The following LIPH variants were observed in gnomAD, a reference collection of about 807,000 sequenced individuals.
The protein encoded by LIPH is lipase member H.
Under a neutral mutation model 47.6 loss-of-function variants are expected in LIPH, and 32 were observed. That is an observed-to-expected ratio of 0.67 (90% CI 0.51 to 0.90). The LOEUF (loss-of-function observed/expected upper bound fraction) is 0.90, where lower values mean the gene tolerates loss of function less well. Among genes scored for constraint, LIPH ranks in the 40% least tolerant of loss-of-function variants. LIPH has a pLI of 0.00. For missense variants in LIPH, 497 were observed against 541.4 expected, an observed-to-expected ratio of 0.92 and a Z score of 0.81; for synonymous variants, 190 against 195.6, an observed-to-expected ratio of 0.97 and a Z score of 0.24.
In LIPH at chr3:185,508,750, C is replaced by T. The variant is rs763606912; in HGVS notation, c.*40G>A. On this transcript the variant is annotated 3_prime_UTR_variant, in exon 10 of 10. Coordinates refer to ENST00000296252, the MANE Select transcript of LIPH (RefSeq NM_139248.3). ...GCTTTCAAACAGCCTGTGGTTGTAGCTTTCTTTCTATTATTTATGGCCATG... is the reference window on the plus strand; with the variant it reads ...GCTTTCAAACAGCCTGTGGTTGTAGTTTTCTTTCTATTATTTATGGCCATG... The T allele has an allele frequency of 1.4e-6, 2 of 1,386,572 alleles. No homozygotes were observed. Among genetic ancestry groups the T allele is most frequent in the African/African-American group, 1.4e-5 (1 of 70,540 alleles). The allele number at this position is 1,386,572 out of a possible 1,614,324, so 85.9% of individuals were successfully genotyped here. A position where few individuals can be genotyped will look rare whatever the true frequency, so the allele number is the denominator to read the frequency against.
intron 4 of LIPH, among the ~76,000 whole-genome samples, chr3:185,525,335 C>T (rs1720035018): frequency 6.6e-6 from 1 of 152,020 alleles, no homozygotes; most frequent in Non-Finnish European, 1.5e-5. Flanking sequence ...TGTAGGTGTA[C>T]ATACATATGC....
chr3:185,517,946 T>C (rs1719782923), intron 6 of LIPH, among the ~76,000 whole-genome samples: 2 of 152,022 alleles, frequency 1.3e-5, no homozygotes, highest in South Asian at 4.2e-4. Flanking sequence ...CTCCACAATA[T>C]CTATTACCTC....
chr3:185,514,900 T>C (rs1017700240), intron 7 of LIPH, among the ~76,000 whole-genome samples: 6 of 152,186 alleles, frequency 3.9e-5, no homozygotes, highest in African/African-American at 1.2e-4. Flanking sequence ...TTCCACAGTT[T>C]GGGCCAAGTC....
intron 1 of LIPH, among the ~76,000 whole-genome samples, chr3:185,544,015 T>C (rs1224352364): frequency 6.6e-6 from 1 of 151,990 alleles, no homozygotes. Context: ...CACGCCCAGC[T>C]AATTTTTATA....
intron 4 of LIPH, among the ~76,000 whole-genome samples, chr3:185,527,262 T>C (rs1302959077): frequency 1.3e-5 from 2 of 151,404 alleles, no homozygotes; most frequent in Non-Finnish European, 2.9e-5. Context: ...AAAATAAAAA[T>C]ATGAAGAGAC....
intron 9 of LIPH, 74 bp downstream of exon 9, chr3:185,511,450 G>T: frequency 7.3e-7 from 1 of 1,365,354 alleles, no homozygotes; most frequent in Non-Finnish European, 1.0e-6. Context: ...TAACACATCA[G>T]ACCAAGCAGA....
rs1390066459 is a variant in LIPH at position 185,521,544 on chromosome 3, G to C, written c.719-2235C>G. Among the ~76,000 whole-genome samples, 4 of 152,172 alleles carry C rather than the reference G, an allele frequency of 2.6e-5. 1 individual carries two copies. The highest frequency in any genetic ancestry group is 5.9e-5 in the Non-Finnish European group (4 of 68,042). On this transcript the variant is annotated intron_variant, in intron 5 of 9. Coordinates refer to ENST00000296252, the MANE Select transcript of LIPH (RefSeq NM_139248.3). ...AAGAGCAAGAGTCATTCAGATTCCT[G>C]CCACATTTTTCATTCATGTCAAAGG...
intron 4 of LIPH, among the ~76,000 whole-genome samples, chr3:185,526,863 T>G (rs933231613): frequency 2.6e-5 from 4 of 152,092 alleles, no homozygotes; most frequent in African/African-American, 9.7e-5. Context: ...TAAGAAATCA[T>G]GCATGCAAAC....
chr3:185,540,776 T>C (rs529920463), intron 1 of LIPH, among the ~76,000 whole-genome samples: 2 of 151,810 alleles, frequency 1.3e-5, no homozygotes, highest in African/African-American at 4.8e-5. Context: ...GGAATGTAGA[T>C]GTGTGACCTC....
At chr3:185,511,263 C>T (rs1377785819) in intron 9 of LIPH, among the ~76,000 whole-genome samples, 1 of 151,236 alleles carries the variant, frequency 6.6e-6, no homozygotes, top group Non-Finnish European at 1.5e-5. Context: ...ACAGGGTCTC[C>T]ATACGTTGCC....
At chr3:185,536,776 T>C (rs1455163980) in intron 1 of LIPH, among the ~76,000 whole-genome samples, 1 of 152,216 alleles carries the variant, frequency 6.6e-6, no homozygotes, top group Non-Finnish European at 1.5e-5. Context: ...ATTCATGGTT[T>C]TTATCGTTAC....
At chr3:185,540,891 C>G (rs1182291380) in intron 1 of LIPH, among the ~76,000 whole-genome samples, 1 of 152,170 alleles carries the variant, frequency 6.6e-6, no homozygotes, top group Non-Finnish European at 1.5e-5. Flanking sequence ...TTCTGGGCAT[C>G]TGGAAACTGG....
chr3:185,525,160 G>A (rs1005561537), intron 4 of LIPH, among the ~76,000 whole-genome samples: 3 of 152,082 alleles, frequency 2.0e-5, no homozygotes, highest in Admixed American at 2.0e-4. Flanking sequence ...GGTGCCGTGA[G>A]CCAAAAGCGC....
chr3:185,506,914 G>A lies in LIPH; in HGVS notation c.*1876C>T, dbSNP rs569614778. 6.6e-6 allele frequency: 1 copy of A among 150,394 alleles called. No individual in the cohort carries two copies. Among genetic ancestry groups the A allele is most frequent in the South Asian group, 2.1e-4 (1 of 4,730 alleles). The allele number at this position is 150,394 out of a possible 1,614,324, so 9.3% of individuals were successfully genotyped here. ...ATCCACAATTGCTGAGGAAATGTGA[G>A]AAGGAGGAGGAAGGATGGTAACATG... On this transcript the variant is annotated 3_prime_UTR_variant, in exon 10 of 10. Transcript: ENST00000296252.
At position 185,533,656 on chromosome 3, in the gene LIPH, G is replaced by A. The variant is rs545207766; in HGVS notation, c.441C>T (p.Asp147=). The change falls in exon 3 of 10, where the codon GAC becomes GAT. Residue 147 remains aspartate, a synonymous_variant. Transcript: ENST00000296252. ...CTAGACTTACTCCGATCATGTAAATGTCATCAAGAGAAGCTCCTTCTGCCT... is the reference window on the plus strand; with the variant it reads ...CTAGACTTACTCCGATCATGTAAATATCATCAAGAGAAGCTCCTTCTGCCT... The part of the protein sequence containing the change: ...QMLAEGASLD[D]IYMIGVSLGA... The A allele has an allele frequency of 9.3e-6, 15 of 1,613,406 alleles. No homozygotes were observed. In the African/African-American group the frequency reaches 1.6e-4, roughly 17 times the overall value.
chr3:185,517,684 G>A (rs1050985443), intron 6 of LIPH, among the ~76,000 whole-genome samples: 2 of 152,022 alleles, frequency 1.3e-5, no homozygotes, highest in African/African-American at 4.8e-5. Context: ...TCTGTCCCTA[G>A]CCCTAGAGAA....
intron 8 of LIPH, among the ~76,000 whole-genome samples, chr3:185,511,991 C>T (rs1719581578): frequency 6.6e-6 from 1 of 152,142 alleles, no homozygotes; most frequent in Admixed American, 6.5e-5. Flanking sequence ...CTGCCTAGTA[C>T]ACACCAGATG....
At chr3:185,533,488 A>G (rs1720400265) in intron 3 of LIPH, 83 bp downstream of exon 3, 3 of 886,708 alleles carry the variant, frequency 3.4e-6, no homozygotes, top group Non-Finnish European at 5.8e-6. Context: ...TTTGAACCCA[A>G]GGAGTTGGAT....
intron 1 of LIPH, among the ~76,000 whole-genome samples, chr3:185,549,085 C>T (rs892651738): frequency 7.3e-5 from 11 of 150,966 alleles, no homozygotes; most frequent in Non-Finnish European, 1.3e-4. Context: ...GAGCCGAGAT[C>T]GCACCACTGC....
Sources: allele counts gnomAD v4.1 joint callset (sites outside exome capture counted in the v4.1 genomes callset), GRCh38; gene constraint gnomAD v4.1.1; transcripts MANE v1.5; gene names NCBI Gene and HGNC (gene_info 2026-07-23, HGNC 2026-07-21).